Variants in TRIO observed in about 807,000 individuals in gnomAD.
The protein encoded by TRIO is triple functional domain protein.
TRIO carries 58 observed loss-of-function variants against 351.9 expected under a neutral mutation model. That is an observed-to-expected ratio of 0.16 (90% confidence interval 0.13 to 0.21). The LOEUF is 0.21. TRIO is among the 10% of genes least tolerant of loss of function. The probability of loss-of-function intolerance (pLI) is 1.00; values close to 1 mark genes in which losing one functional copy is unlikely to be tolerated. For missense variants in TRIO, 3,201 were observed against 4,027.8 expected, an observed-to-expected ratio of 0.79 and a Z score of 5.56; for synonymous variants, 1,758 against 1,595.7, an observed-to-expected ratio of 1.10 and a Z score of -2.42.
intron 10 of TRIO, among the ~76,000 whole-genome samples, chr5:14,332,384 C>T (rs766192694): frequency 4.6e-5 from 7 of 152,202 alleles, no homozygotes; most frequent in Non-Finnish European, 8.8e-5. Context: ...CTGGTCATGA[C>T]TTAACTCATT....
intron 3 of TRIO, 136 bp downstream of exon 3, chr5:14,280,572 C>G: frequency 1.3e-6 from 1 of 744,386 alleles, no homozygotes; most frequent in Middle Eastern, 2.8e-4. Flanking sequence ...TTATCTTTCA[C>G]CTTATTACCA....
Position 14,476,786 on chromosome 5 carries a change from T to C in TRIO, c.6084-108T>C, listed in dbSNP as rs1327484443. The C allele has an allele frequency of 5.4e-6, 5 of 922,038 alleles. No homozygotes were observed. In the Admixed American group the frequency reaches 1.4e-4, roughly 26 times the overall value. 57.1% of individuals were successfully genotyped at this position (922,038 alleles called of 1,614,324 possible). On this transcript the variant is annotated intron_variant, in intron 40 of 56. Coordinates refer to ENST00000344204, the MANE Select transcript of TRIO (RefSeq NM_007118.4). The stretch of plus-strand genomic sequence containing the variant: ...TCCAGCCTAGGTGATAGAGTGACAC[T>C]CTCTCAAAAAAAAAAAAGAAAAAAA...
chr5:14,229,123 A>C (rs1052837749), intron 1 of TRIO, among the ~76,000 whole-genome samples: 1 of 152,182 alleles, frequency 6.6e-6, no homozygotes, highest in Non-Finnish European at 1.5e-5. Context: ...AAATAGGTTT[A>C]AGATACAACT....
At position 14,465,545 on chromosome 5, in the gene TRIO, G is replaced by A. The variant is rs147906245; in HGVS notation, c.5668G>A (p.Ala1890Thr). The A allele has an allele frequency of 1.9e-6, 3 of 1,613,952 alleles. No homozygotes were observed. Among genetic ancestry groups the A allele is most frequent in the African/African-American group, 2.7e-5 (2 of 74,954 alleles). The change falls in exon 37 of 57, where the codon GCC (alanine) becomes ACC (threonine). Residue 1890 changes from alanine (A) to threonine (T), a missense_variant and splice_region_variant. Around this residue, in one of 19 missense-constraint regions of TRIO, gnomAD observed 307 missense variants for 396.5 expected, o/e 0.77. Transcript: ENST00000344204. ...LLQPDSQDDKASSRLLVRPTS... is the reference protein window; with the variant it reads ...LLQPDSQDDKTSSRLLVRPTS... Reference sequence around the variant, plus strand: ...CTCCTTTTCTTAATTTCTTCTGTAGGCCTCTTCTCGGTTATTAGTCCGCCC... The same window carrying A: ...CTCCTTTTCTTAATTTCTTCTGTAGACCTCTTCTCGGTTATTAGTCCGCCC...
chr5:14,226,807 G>C (rs889811031), intron 1 of TRIO, among the ~76,000 whole-genome samples: 1 of 139,506 alleles, frequency 7.2e-6, no homozygotes, highest in East Asian at 2.2e-4. Flanking sequence ...ATCTTCCCAG[G>C]GTTCGGAGAC....
At chr5:14,413,878 G>A (rs568637411) in intron 33 of TRIO, among the ~76,000 whole-genome samples, 1 of 152,184 alleles carries the variant, frequency 6.6e-6, no homozygotes, top group Non-Finnish European at 1.5e-5. Flanking sequence ...ACTCGAAGCA[G>A]GTATTTATTC....
intron 13 of TRIO, 57 bp from the exon 14 acceptor site, chr5:14,363,675 G>A: frequency 6.5e-7 from 1 of 1,530,654 alleles, no homozygotes; most frequent in Non-Finnish European, 8.9e-7. Flanking sequence ...TTGGTACAGA[G>A]TGAGAGGTGG....
chr5:14,349,079 A>T (rs557376728), intron 11 of TRIO, among the ~76,000 whole-genome samples: 2 of 144,166 alleles, frequency 1.4e-5, no homozygotes, highest in East Asian at 2.2e-4. Flanking sequence ...GTGTATGCAC[A>T]TGAGCATGTG....
chr5:14,291,305 A>G, intron 5 of TRIO, 77 bp downstream of exon 5: 1 of 1,486,004 alleles, frequency 6.7e-7, no homozygotes, highest in Non-Finnish European at 9.1e-7. Context: ...AAGGAAAGAG[A>G]AAAGGTGGAG....
intron 26 of TRIO, 153 bp downstream of exon 26, chr5:14,390,453 C>T: frequency 1.5e-6 from 1 of 685,144 alleles, no homozygotes. Context: ...TTGCATACTT[C>T]AACTAATTGT....
intron 1 of TRIO, among the ~76,000 whole-genome samples, chr5:14,256,692 T>A (rs1182874702): frequency 6.6e-6 from 1 of 152,200 alleles, no homozygotes; most frequent in East Asian, 1.9e-4. Flanking sequence ...AGTGAGTAAT[T>A]GAATATTTAA....
chr5:14,256,204 GAA>G (rs1795012724), intron 1 of TRIO, among the ~76,000 whole-genome samples: 1 of 152,146 alleles, frequency 6.6e-6, no homozygotes, highest in South Asian at 2.1e-4. Flanking sequence ...TGGTGAAAGA[GAA>G]GAGAGAGAAG....
At chr5:14,242,651 C>T (rs556967847) in intron 1 of TRIO, among the ~76,000 whole-genome samples, 8 of 152,258 alleles carry the variant, frequency 5.3e-5, no homozygotes, top group South Asian at 4.2e-4. Context: ...CATGGGTCAT[C>T]GTAGCCTCCG....
chr5:14,466,473 GT>G (rs1754272092), intron 37 of TRIO: 1 of 152,184 alleles, frequency 6.6e-6, no homozygotes, highest in African/African-American at 2.4e-5. Flanking sequence ...TTAAATGTTG[GT>G]TCTTTGAAGT....
chr5:14,202,294 A>ATTTTTTTTTTT (rs60827656), intron 1 of TRIO, among the ~76,000 whole-genome samples: 29 of 33,560 alleles, frequency 8.6e-4, no homozygotes, highest in South Asian at 2.2e-3. Context: ...TATTTTTGTG[A>ATTTTTTTTTTT]TTTTTTTTTT....
Position 14,469,283 on chromosome 5 carries a change from G to C in TRIO, c.5764-2035G>C, listed in dbSNP as rs553389916. 2.5e-3 allele frequency among the ~76,000 whole-genome samples: 379 copies of C among 152,096 alleles called. 3 individuals are homozygous for C. Among genetic ancestry groups the C allele is most frequent in the African/African-American group, 8.9e-3 (370 of 41,514 alleles). ...TATAGGCATTAGGTAACCATGTCAA[G>C]AAAACAGAAAACACAAATTCCCAAA... On this transcript the variant is annotated intron_variant, in intron 37 of 56. Coordinates refer to ENST00000344204, the MANE Select transcript of TRIO (RefSeq NM_007118.4).
At chr5:14,183,060 G>C (rs1789891456) in intron 1 of TRIO, among the ~76,000 whole-genome samples, 1 of 152,186 alleles carries the variant, frequency 6.6e-6, no homozygotes. Flanking sequence ...TCTCTAGGAT[G>C]GGGCCAGCTG....
chr5:14,329,718 T>C (rs40971), intron 9 of TRIO, among the ~76,000 whole-genome samples: 67,947 of 151,324 alleles, frequency 0.45, 17,218 homozygotes, highest in East Asian at 0.6. Flanking sequence ...TTAAAGTTTT[T>C]AGTTTTTAGC....
intron 6 of TRIO, among the ~76,000 whole-genome samples, chr5:14,293,710 TA>T (rs751785715): frequency 3.0e-4 from 45 of 152,174 alleles, no homozygotes; most frequent in Non-Finnish European, 5.7e-4. Context: ...AGAGGCCAGA[TA>T]GGGGGTGACT....
Sources: gnomAD v4.1 joint callset for allele counts (sites outside exome capture counted in the v4.1 genomes callset) on GRCh38, gnomAD v4.1.1 for gene constraint, gnomAD v4.1.1 regional missense constraint, MANE v1.5 for transcripts, NCBI Gene and HGNC (gene_info 2026-07-23, HGNC 2026-07-21) for gene names.